IPCEF1: variants seen among roughly 807,000 people sequenced by gnomAD.
IPCEF1 encodes the protein interaction protein for cytohesin exchange factors 1.
A neutral mutation model predicts 50.9 loss-of-function variants in IPCEF1; 31 were observed. That is an observed-to-expected ratio of 0.61 (90% CI 0.46 to 0.82). The LOEUF (loss-of-function observed/expected upper bound fraction) is 0.82, where lower values mean the gene tolerates loss of function less well. Among genes scored for constraint, IPCEF1 ranks in the 40% least tolerant of loss-of-function variants. IPCEF1 has a pLI of 0.00. For missense variants in IPCEF1, 458 were observed against 514.0 expected, an observed-to-expected ratio of 0.89 and a Z score of 1.05; for synonymous variants, 181 against 192.0, an observed-to-expected ratio of 0.94 and a Z score of 0.47.
chr6:154,181,660 T>C (rs1800883039), intron 10 of IPCEF1, among the ~76,000 whole-genome samples: 1 of 152,142 alleles, frequency 6.6e-6, no homozygotes, highest in Non-Finnish European at 1.5e-5. Context: ...AAGGGAGCAA[T>C]CCCCACCCGG....
chr6:154,159,793 GATAAA>G lies in IPCEF1; in HGVS notation c.*30_*34del. On this transcript the variant is annotated 3_prime_UTR_variant, in exon 12 of 12. Coordinates refer to ENST00000367220, the MANE Select transcript of IPCEF1 (RefSeq NM_001130700.2). Reference sequence around the variant, plus strand: ...TGCAACATCTTGAAGAGTTGCTTGTGATAAAATATAAGAGGAGAAAACCCTGACTT... The same window carrying G: ...TGCAACATCTTGAAGAGTTGCTTGTGATATAAGAGGAGAAAACCCTGACTT... The G allele has an allele frequency of 4.6e-6, 7 of 1,517,956 alleles. No homozygotes were observed. The highest frequency in any genetic ancestry group is 6.4e-6 in the Non-Finnish European group (7 of 1,101,260). The allele number at this position is 1,517,956 out of a possible 1,614,324, so 94.0% of individuals were successfully genotyped here. A position where few individuals can be genotyped will look rare whatever the true frequency, so the allele number is the denominator to read the frequency against.
chr6:154,277,142 C>A (rs989583652), intron 2 of IPCEF1, among the ~76,000 whole-genome samples: 2 of 152,166 alleles, frequency 1.3e-5, no homozygotes, highest in African/African-American at 4.8e-5. Flanking sequence ...TGGTCAGAAT[C>A]CCACATGGGC....
intron 11 of IPCEF1, among the ~76,000 whole-genome samples, chr6:154,165,235 C>T (rs1009978224): frequency 2.6e-5 from 4 of 152,142 alleles, no homozygotes; most frequent in African/African-American, 9.7e-5. Context: ...CCACTACTAC[C>T]AGGGTCACAG....
At chr6:154,273,724 CTTTTTTTTTTTTTTTTTTTT>C (rs71021036) in intron 2 of IPCEF1, among the ~76,000 whole-genome samples, 2,952 of 63,256 alleles carry the variant, frequency 0.047, 158 homozygotes, top group African/African-American at 0.067. Context: ...TTCTTTCTTT[CTTTTTTTTTTTTTTTTTTTT>C]TTTTTTTTTT....
At chr6:154,197,631 T>C (rs1342690178) in intron 10 of IPCEF1, among the ~76,000 whole-genome samples, 1 of 152,178 alleles carries the variant, frequency 6.6e-6, no homozygotes, top group Non-Finnish European at 1.5e-5. Context: ...AAAGGGCTGG[T>C]GGTACCCAGC....
chr6:154,220,524 G>A (rs790265), intron 7 of IPCEF1, among the ~76,000 whole-genome samples: 71,032 of 151,996 alleles, frequency 0.47, 16,899 homozygotes, highest in Admixed American at 0.58. Flanking sequence ...GGTGGTGCAC[G>A]CCTGTAACTT....
chr6:154,314,952 C>T (rs1021241905), intron 1 of IPCEF1, among the ~76,000 whole-genome samples: 1 of 151,094 alleles, frequency 6.6e-6, no homozygotes, highest in African/African-American at 2.4e-5. Context: ...ACAATCTCAG[C>T]TCACTGCAAC....
intron 1 of IPCEF1, among the ~76,000 whole-genome samples, chr6:154,304,669 T>C (rs1487135864): frequency 6.6e-6 from 1 of 152,190 alleles, no homozygotes; most frequent in South Asian, 2.1e-4. Context: ...ACCAAATCCA[T>C]AGACAGTCAG....
intron 11 of IPCEF1, among the ~76,000 whole-genome samples, chr6:154,164,767 G>A (rs1434650343): frequency 6.6e-6 from 1 of 152,088 alleles, no homozygotes; most frequent in Non-Finnish European, 1.5e-5. Flanking sequence ...AGTTTCAGTT[G>A]GACCCATTAA....
At chr6:154,285,380 T>A (rs1782334783) in intron 2 of IPCEF1, among the ~76,000 whole-genome samples, 1 of 152,222 alleles carries the variant, frequency 6.6e-6, no homozygotes, top group South Asian at 2.1e-4. Flanking sequence ...CCCTATTCAT[T>A]GTGGAAATAA....
chr6:154,328,167 C>T (rs1783568255), intron 1 of IPCEF1, among the ~76,000 whole-genome samples: 1 of 152,122 alleles, frequency 6.6e-6, no homozygotes, highest in Admixed American at 6.6e-5. Flanking sequence ...CACCATGGTA[C>T]ACATTTACCT....
At chr6:154,211,380 G>C (rs530889407) in intron 9 of IPCEF1, among the ~76,000 whole-genome samples, 63 of 151,660 alleles carry the variant, frequency 4.2e-4, no homozygotes, top group Non-Finnish European at 5.6e-4. Flanking sequence ...CTGCACTCCA[G>C]GCCGGGTGAC....
At chr6:154,355,602 C>T (rs1784203493) in intron 1 of IPCEF1, among the ~76,000 whole-genome samples, 2 of 151,804 alleles carry the variant, frequency 1.3e-5, no homozygotes, top group South Asian at 4.1e-4. Context: ...AATTCTCCTG[C>T]CTCAGCTTCC....
At chr6:154,274,061 T>A (rs1451301032) in intron 2 of IPCEF1, among the ~76,000 whole-genome samples, 1 of 151,724 alleles carries the variant, frequency 6.6e-6, no homozygotes, top group African/African-American at 2.4e-5. Flanking sequence ...CTGCTTTTTT[T>A]TTTTTTAACT....
chr6:154,163,300 C>T (rs1799171019), intron 11 of IPCEF1, among the ~76,000 whole-genome samples: 1 of 152,212 alleles, frequency 6.6e-6, no homozygotes, highest in Non-Finnish European at 1.5e-5. Flanking sequence ...ACACTCCCGC[C>T]CCAAGGTGTT....
At chr6:154,264,541 T>C (rs1781703825) in intron 3 of IPCEF1, among the ~76,000 whole-genome samples, 1 of 151,900 alleles carries the variant, frequency 6.6e-6, no homozygotes, top group African/African-American at 2.4e-5. Context: ...CCCGGCTAAT[T>C]TTTGTATTTT....
At chr6:154,169,886 C>T (rs1208736249) in intron 10 of IPCEF1, among the ~76,000 whole-genome samples, 1 of 152,198 alleles carries the variant, frequency 6.6e-6, no homozygotes, top group Non-Finnish European at 1.5e-5. Flanking sequence ...GATAAGTAAT[C>T]TCTCTTTTTT....
At chr6:154,339,764 A>T (rs1783866545) in intron 1 of IPCEF1, among the ~76,000 whole-genome samples, 1 of 151,898 alleles carries the variant, frequency 6.6e-6, no homozygotes, top group African/African-American at 2.4e-5. Flanking sequence ...AGCTAATTTT[A>T]AAAAATATTT....
rs1392137903 is a variant in IPCEF1, at chr6:154,157,726, G to A, written c.*2102C>T. 1.3e-5 allele frequency: 2 copies of A among 152,236 alleles called. No homozygotes were observed. Among genetic ancestry groups the A allele is most frequent in the Non-Finnish European group, 1.5e-5 (1 of 68,042 alleles). The allele number at this position is 152,236 out of a possible 1,614,324, so 9.4% of individuals were successfully genotyped here. On this transcript the variant is annotated 3_prime_UTR_variant, in exon 12 of 12. Coordinates refer to ENST00000367220, the MANE Select transcript of IPCEF1 (RefSeq NM_001130700.2). ...AAAAATAGGTGGAAGGGCACTTTATGTCACACTGTTATTTCTGCTATTGTT... is the reference window on the plus strand; with the variant it reads ...AAAAATAGGTGGAAGGGCACTTTATATCACACTGTTATTTCTGCTATTGTT...
Sources: gnomAD v4.1 joint callset for allele counts (sites outside exome capture counted in the v4.1 genomes callset) on GRCh38, gnomAD v4.1.1 for gene constraint, MANE v1.5 for transcripts, NCBI Gene and HGNC (gene_info 2026-07-23, HGNC 2026-07-21) for gene names.